Variants in FXR1 observed in about 807,000 individuals in gnomAD.
The protein encoded by FXR1 is RNA-binding protein FXR1.
In FXR1, 15 loss-of-function variants were observed where a neutral mutation model predicts 84.0. The ratio of observed to expected loss-of-function variants is 0.18; its 90% CI spans 0.12 to 0.27. FXR1 has a LOEUF of 0.27. Among genes scored for constraint, FXR1 ranks in the 10% least tolerant of loss-of-function variants. The probability of loss-of-function intolerance (pLI) is 1.00; values close to 1 mark genes in which losing one functional copy is unlikely to be tolerated. For missense variants in FXR1, 480 were observed against 774.4 expected (o/e 0.62, Z 4.51); for synonymous variants, 245 against 250.7 (o/e 0.98, Z 0.21).
intron 1 of FXR1, among the ~76,000 whole-genome samples, chr3:180,930,759 G>T (rs960103002): frequency 6.6e-6 from 1 of 152,170 alleles, no homozygotes; most frequent in Non-Finnish European, 1.5e-5. Flanking sequence ...TGTGGTCCAG[G>T]TGTGGTGGCT....
intron 3 of FXR1, among the ~76,000 whole-genome samples, chr3:180,935,621 A>C (rs939326895): frequency 6.6e-6 from 1 of 152,206 alleles, no homozygotes; most frequent in Non-Finnish European, 1.5e-5. Context: ...TTATTTTACT[A>C]TAGTGATCAT....
chr3:180,948,562 T>C, intron 5 of FXR1, 67 bp downstream of exon 5: 2 of 1,185,610 alleles, frequency 1.7e-6, no homozygotes, highest in Non-Finnish European at 2.5e-6. Context: ...CTACAAAACA[T>C]TTTCCCTAAT....
intron 1 of FXR1, among the ~76,000 whole-genome samples, chr3:180,920,807 G>A (rs935560253): frequency 6.6e-6 from 1 of 152,026 alleles, no homozygotes; most frequent in Non-Finnish European, 1.5e-5. Context: ...CACCATGCCC[G>A]GCCCAGAATA....
chr3:180,960,060 C>G (rs542001852), intron 10 of FXR1, among the ~76,000 whole-genome samples: 154 of 152,212 alleles, frequency 1.0e-3, no homozygotes, highest in African/African-American at 3.6e-3. Flanking sequence ...GCTTTACTCT[C>G]ATTTTTCTCA....
chr3:180,930,374 G>A (rs890213359), intron 1 of FXR1, among the ~76,000 whole-genome samples: 19 of 152,206 alleles, frequency 1.2e-4, no homozygotes, highest in Non-Finnish European at 2.9e-5. Context: ...AAAGGTGGAA[G>A]TGGTGATTTT....
chr3:180,916,291 G>A (rs1717884454), intron 1 of FXR1, among the ~76,000 whole-genome samples: 2 of 152,092 alleles, frequency 1.3e-5, no homozygotes, highest in South Asian at 2.1e-4. Context: ...AGAAACCTCC[G>A]GCTCATTTGC....
chr3:180,925,646 A>C (rs1407300149), intron 1 of FXR1, among the ~76,000 whole-genome samples: 1 of 152,320 alleles, frequency 6.6e-6, no homozygotes, highest in East Asian at 1.9e-4. Flanking sequence ...GCTATCAGCT[A>C]TTCCAAGATG....
intron 11 of FXR1, 43 bp from the exon 12 acceptor site, chr3:180,962,840 A>T (rs1712297446): frequency 7.3e-7 from 1 of 1,367,354 alleles, no homozygotes. Flanking sequence ...GAAAACAAAA[A>T]GTTATATATA....
intron 15 of FXR1, chr3:180,970,624 A>T (rs1386695664): frequency 1.3e-5 from 2 of 153,772 alleles, no homozygotes. Context: ...CAGTACAAAT[A>T]TTCAGCTGGC....
At chr3:180,967,656 T>G (rs1713008494) in intron 13 of FXR1, among the ~76,000 whole-genome samples, 1 of 148,184 alleles carries the variant, frequency 6.7e-6, no homozygotes, top group Non-Finnish European at 1.5e-5. Context: ...TGCACATCAG[T>G]TTTTTTTTTA....
At position 180,916,176 on chromosome 3, in the gene FXR1, A is replaced by G. The variant is rs1359926387; in HGVS notation, c.51+3440A>G. On this transcript the variant is annotated intron_variant, in intron 1 of 16. Transcript: ENST00000357559. ...AAAGTTTTAATGAGGTAGAATGTATATTCTATAAAACAACCTTTTTTAAGT... is the reference window on the plus strand; with the variant it reads ...AAAGTTTTAATGAGGTAGAATGTATGTTCTATAAAACAACCTTTTTTAAGT... 4.6e-5 allele frequency among the ~76,000 whole-genome samples: 7 copies of G among 152,226 alleles called. 1 individual carries two copies. The highest frequency in any genetic ancestry group is 7.3e-5 in the Non-Finnish European group (5 of 68,042).
intron 3 of FXR1, among the ~76,000 whole-genome samples, chr3:180,947,112 G>T (rs994805804): frequency 9.2e-5 from 14 of 152,046 alleles, no homozygotes; most frequent in African/African-American, 2.9e-4. Flanking sequence ...GAGTGCAATG[G>T]TGTGATCTCT....
At chr3:180,964,801 A>G (rs1347536957) in intron 13 of FXR1, among the ~76,000 whole-genome samples, 1 of 151,414 alleles carries the variant, frequency 6.6e-6, no homozygotes, top group Non-Finnish European at 1.5e-5. Context: ...GACATCTTAC[A>G]ACTTTAGCAG....
chr3:180,922,153 A>G (rs1250211298), intron 1 of FXR1, among the ~76,000 whole-genome samples: 3 of 152,304 alleles, frequency 2.0e-5, no homozygotes, highest in Admixed American at 6.5e-5. Flanking sequence ...CCACATAACT[A>G]TTTCCATTGG....
rs1457384765 is a variant in FXR1, at chr3:180,981,896, C to T, written c.*5604C>T. On this transcript the variant is annotated 3_prime_UTR_variant, in exon 17 of 17. Transcript: ENST00000357559. ...TGCAGAAGTTTAACTTGTAACCTACCTCTCATTCCCAAAGTGTGTTTAATC... is the reference window on the plus strand; with the variant it reads ...TGCAGAAGTTTAACTTGTAACCTACTTCTCATTCCCAAAGTGTGTTTAATC... 1 of 152,006 alleles carries T rather than the reference C, an allele frequency of 6.6e-6. No individual in the cohort carries two copies. The highest frequency in any genetic ancestry group is 1.5e-5 in the Non-Finnish European group (1 of 67,938). 9.4% of individuals were successfully genotyped at this position (152,006 alleles called of 1,614,324 possible).
intron 1 of FXR1, 108 bp downstream of exon 1, chr3:180,912,844 C>G: frequency 6.3e-7 from 1 of 1,595,916 alleles, no homozygotes; most frequent in Non-Finnish European, 8.6e-7. Context: ...GGCAGCCAGG[C>G]CAAAGCTCGA....
intron 1 of FXR1, chr3:180,914,845 A>C: frequency 1.0e-6 from 1 of 984,794 alleles, no homozygotes; most frequent in Non-Finnish European, 1.2e-6. Context: ...CACTGAAATC[A>C]TGTACGCTTG....
At chr3:180,913,437 C>G (rs1044590194) in intron 1 of FXR1, among the ~76,000 whole-genome samples, 3 of 152,080 alleles carry the variant, frequency 2.0e-5, no homozygotes, top group African/African-American at 7.2e-5. Context: ...ATTTAAAATG[C>G]GAAATGGATC....
At chr3:180,967,120 C>T (rs1175341333) in intron 13 of FXR1, among the ~76,000 whole-genome samples, 1 of 152,016 alleles carries the variant, frequency 6.6e-6, no homozygotes, top group South Asian at 2.1e-4. Flanking sequence ...TCAGAGAAAC[C>T]TTAAATTCTG....
Sources: gnomAD v4.1 joint callset for allele counts (sites outside exome capture counted in the v4.1 genomes callset) on GRCh38, gnomAD v4.1.1 for gene constraint, MANE v1.5 for transcripts, NCBI Gene and HGNC (gene_info 2026-07-23, HGNC 2026-07-21) for gene names.